Variants in CTNND2 observed in about 807,000 individuals in gnomAD.
The protein encoded by CTNND2 is catenin delta-2.
A neutral mutation model predicts 144.4 loss-of-function variants in CTNND2; 22 were observed. That is an observed-to-expected ratio of 0.15 (90% CI 0.11 to 0.22). CTNND2 has a LOEUF of 0.22. Ranked by LOEUF, CTNND2 falls within the 10% of genes least tolerant of loss-of-function variation. The probability of loss-of-function intolerance (pLI) is 1.00; values close to 1 mark genes in which losing one functional copy is unlikely to be tolerated. For missense variants in CTNND2, 1,353 were observed against 1,618.8 expected (o/e 0.84, Z 2.82); for synonymous variants, 751 against 695.6 (o/e 1.08, Z -1.25).
chr5:11,766,047 C>T (rs1581846919), intron 1 of CTNND2, among the ~76,000 whole-genome samples: 1 of 152,242 alleles, frequency 6.6e-6, no homozygotes, highest in Middle Eastern at 3.4e-3. Flanking sequence ...CATATATAAC[C>T]AGGCCTTTTA....
Position 11,244,966 on chromosome 5 carries a change from G to A in CTNND2, c.1629-8143C>T, listed in dbSNP as rs117588771. 1.5e-4 allele frequency among the ~76,000 whole-genome samples: 23 copies of A among 152,242 alleles called. No homozygotes were observed. In the East Asian group the frequency reaches 4.3e-3, roughly 28 times the overall value. ...TTTCACAAAAGATTGAGGCAACTCAGACAAATTATATATGAGATAAGATGA... is the reference window on the plus strand; with the variant it reads ...TTTCACAAAAGATTGAGGCAACTCAAACAAATTATATATGAGATAAGATGA... On this transcript the variant is annotated intron_variant, in intron 9 of 21. Transcript: ENST00000304623.
intron 2 of CTNND2, among the ~76,000 whole-genome samples, chr5:11,610,746 C>T (rs1780277818): frequency 1.3e-5 from 2 of 152,164 alleles, no homozygotes; most frequent in African/African-American, 4.8e-5. Flanking sequence ...CATATTTCAG[C>T]TATCAATGAC....
chr5:11,692,937 T>C (rs978296909), intron 2 of CTNND2, among the ~76,000 whole-genome samples: 1 of 152,196 alleles, frequency 6.6e-6, no homozygotes, highest in Non-Finnish European at 1.5e-5. Flanking sequence ...AAAGTCTCAC[T>C]GAGGTATGTG....
intron 20 of CTNND2, chr5:10,986,821 C>A: frequency 2.8e-6 from 1 of 352,898 alleles, no homozygotes; most frequent in East Asian, 9.0e-5. Flanking sequence ...AAAACACTGC[C>A]GCTGGGGTAA....
chr5:11,794,018 G>T (rs1289495555), intron 1 of CTNND2, among the ~76,000 whole-genome samples: 1 of 152,180 alleles, frequency 6.6e-6, no homozygotes, highest in Non-Finnish European at 1.5e-5. Flanking sequence ...GTGTTTTGTT[G>T]TTTTCTCCAC....
At chr5:11,278,045 C>T (rs1746732206) in intron 9 of CTNND2, among the ~76,000 whole-genome samples, 1 of 152,196 alleles carries the variant, frequency 6.6e-6, no homozygotes, top group South Asian at 2.1e-4. Flanking sequence ...CACCTCTGTC[C>T]TGCTCCAACA....
intron 3 of CTNND2, among the ~76,000 whole-genome samples, chr5:11,529,598 T>C (rs542722382): frequency 6.6e-6 from 1 of 152,368 alleles, no homozygotes; most frequent in East Asian, 1.9e-4. Context: ...ACTGGTTTTG[T>C]AGTTTCCTAA....
intron 2 of CTNND2, among the ~76,000 whole-genome samples, chr5:11,647,115 T>C (rs1324911953): frequency 6.6e-6 from 1 of 152,200 alleles, no homozygotes; most frequent in Non-Finnish European, 1.5e-5. Flanking sequence ...TCACCCTTTC[T>C]GCTCATTGAG....
At chr5:11,708,769 A>G (rs1785861168) in intron 2 of CTNND2, among the ~76,000 whole-genome samples, 1 of 152,154 alleles carries the variant, frequency 6.6e-6, no homozygotes, top group South Asian at 2.1e-4. Flanking sequence ...GGTAAGCACC[A>G]CAAAATCAAG....
chr5:11,221,169 A>G (rs952709370), intron 10 of CTNND2, among the ~76,000 whole-genome samples: 1 of 152,230 alleles, frequency 6.6e-6, no homozygotes, highest in Non-Finnish European at 1.5e-5. Flanking sequence ...CATTTAAAAA[A>G]TATTTGTAAT....
intron 12 of CTNND2, among the ~76,000 whole-genome samples, chr5:11,131,747 C>T (rs1299267575): frequency 6.6e-6 from 1 of 152,096 alleles, no homozygotes; most frequent in African/African-American, 2.4e-5. Context: ...TGAGATGGCA[C>T]CATTGCACTC....
intron 12 of CTNND2, among the ~76,000 whole-genome samples, chr5:11,146,660 C>T (rs1194097310): frequency 6.6e-6 from 1 of 152,174 alleles, no homozygotes; most frequent in Non-Finnish European, 1.5e-5. Context: ...CTAATGGCTT[C>T]CTTCAGATGA....
At chr5:11,006,702 A>T (rs1740520998) in intron 18 of CTNND2, among the ~76,000 whole-genome samples, 1 of 152,210 alleles carries the variant, frequency 6.6e-6, no homozygotes, top group Admixed American at 6.5e-5. Context: ...AATGTAAGAA[A>T]GGCACCATGA....
chr5:11,201,382 C>CAACAAACA (rs371305197), intron 10 of CTNND2, among the ~76,000 whole-genome samples: 1 of 151,960 alleles, frequency 6.6e-6, no homozygotes, highest in East Asian at 1.9e-4. Context: ...TCTTTAAAGA[C>CAACAAACA]AACAAACAAA....
At chr5:11,452,840 G>T (rs1458461703) in intron 3 of CTNND2, among the ~76,000 whole-genome samples, 2 of 152,178 alleles carry the variant, frequency 1.3e-5, no homozygotes, top group Admixed American at 6.5e-5. Context: ...GCGCACATTT[G>T]TCTGAAGTAC....
rs61755688 is a variant in CTNND2, at chr5:11,099,054, G to A, written c.2464-306C>T. Among the ~76,000 whole-genome samples the A allele has an allele frequency of 4.1e-3, 621 of 152,254 alleles. 11 individuals are homozygous for A. Among genetic ancestry groups the A allele is most frequent in the African/African-American group, 0.014 (576 of 41,548 alleles). ...CTAACATGTTGCTGTAGGAAGGAAGGGGAAGAGATGAATTAATTTTGATTG... is the reference window on the plus strand; with the variant it reads ...CTAACATGTTGCTGTAGGAAGGAAGAGGAAGAGATGAATTAATTTTGATTG... On this transcript the variant is annotated intron_variant, in intron 14 of 21. Transcript: ENST00000304623.
At chr5:11,420,770 C>T (rs1375599696) in intron 3 of CTNND2, among the ~76,000 whole-genome samples, 2 of 152,128 alleles carry the variant, frequency 1.3e-5, no homozygotes, top group African/African-American at 2.4e-5. Flanking sequence ...AATTAGAATG[C>T]CGTTTTTCTT....
At chr5:11,884,540 C>A (rs188077827) in intron 1 of CTNND2, among the ~76,000 whole-genome samples, 54 of 152,200 alleles carry the variant, frequency 3.5e-4, no homozygotes, top group African/African-American at 1.1e-3. Context: ...CTCTATATAT[C>A]TGTTTTGGTA....
rs1335699330 is a variant in CTNND2 at position 11,895,463 on chromosome 5, AC to A, written c.37+8353del. On this transcript the variant is annotated intron_variant, in intron 1 of 21. Transcript: ENST00000304623. ...TGTTATGACACTTAGTAGTAAAATA[AC>A]CGTTCACTTAGAAAATGATGAAGTT... is the stretch of plus-strand genomic sequence containing the variant. 1.1e-4 allele frequency among the ~76,000 whole-genome samples: 16 copies of A among 152,292 alleles called. 1 individual carries two copies. The highest frequency in any genetic ancestry group is 4.1e-4 in the South Asian group (2 of 4,826).
Sources: allele counts gnomAD v4.1 joint callset (sites outside exome capture counted in the v4.1 genomes callset), GRCh38; gene constraint gnomAD v4.1.1; transcripts MANE v1.5; gene names NCBI Gene and HGNC (gene_info 2026-07-23, HGNC 2026-07-21).